Variants in BNC2 observed in about 807,000 individuals in gnomAD.
BNC2 encodes basonuclin zinc finger protein 2, also known as zinc finger protein basonuclin-2.
BNC2 carries 20 observed loss-of-function variants against 76.3 expected under a neutral mutation model. The ratio of observed to expected loss-of-function variants is 0.26; its 90% CI spans 0.18 to 0.38. The LOEUF is 0.38. Among genes scored for constraint, BNC2 ranks in the 10% least tolerant of loss-of-function variants. The probability of loss-of-function intolerance (pLI) is 1.00; values close to 1 mark genes in which losing one functional copy is unlikely to be tolerated. For synonymous variants in BNC2, 582 were observed against 514.8 expected, an observed-to-expected ratio of 1.13 and a Z score of -1.77; for missense variants, 1,382 against 1,399.8, an observed-to-expected ratio of 0.99 and a Z score of 0.20.
At chr9:16,582,165 T>C (rs1431160259) in intron 4 of BNC2, among the ~76,000 whole-genome samples, 1 of 152,162 alleles carries the variant, frequency 6.6e-6, no homozygotes, top group African/African-American at 2.4e-5. Context: ...AGCCAGGATT[T>C]CTTTTTATAA....
chr9:16,670,117 A>T (rs943387181), intron 3 of BNC2, among the ~76,000 whole-genome samples: 1 of 151,806 alleles, frequency 6.6e-6, no homozygotes, highest in Admixed American at 6.6e-5. Flanking sequence ...TTTTCCTTAC[A>T]CTCTTCTCTA....
chr9:16,736,777 TG>T (rs1253802986), intron 2 of BNC2, among the ~76,000 whole-genome samples: 1 of 149,112 alleles, frequency 6.7e-6, no homozygotes, highest in Non-Finnish European at 1.5e-5. Context: ...CCCGACCTAT[TG>T]TTTTTTTTTT....
At chr9:16,707,063 G>C (rs182590294) in intron 3 of BNC2, among the ~76,000 whole-genome samples, 3 of 152,236 alleles carry the variant, frequency 2.0e-5, no homozygotes, top group South Asian at 4.1e-4. Flanking sequence ...TTAGCCGGGC[G>C]TGATGGTGGG....
chr9:16,448,939 T>G (rs1821283674), intron 5 of BNC2, among the ~76,000 whole-genome samples: 1 of 152,138 alleles, frequency 6.6e-6, no homozygotes. Context: ...ATTAATAGTT[T>G]GTGTTTCTGT....
intron 3 of BNC2, among the ~76,000 whole-genome samples, chr9:16,674,858 T>C (rs1822590513): frequency 6.6e-6 from 1 of 152,224 alleles, no homozygotes; most frequent in South Asian, 2.1e-4. Flanking sequence ...TACACTTTTA[T>C]GTTCTTGGGC....
chr9:16,816,074 T>G (rs1004911497), intron 1 of BNC2, among the ~76,000 whole-genome samples: 5 of 152,168 alleles, frequency 3.3e-5, no homozygotes, highest in Non-Finnish European at 5.9e-5. Flanking sequence ...ACACTTCTAC[T>G]TTAAGCAAAC....
chr9:16,480,560 G>T (rs1822027031), intron 5 of BNC2, among the ~76,000 whole-genome samples: 1 of 152,212 alleles, frequency 6.6e-6, no homozygotes, highest in South Asian at 2.1e-4. Flanking sequence ...CGGGCCAGCT[G>T]GAGTTCCGGG....
intron 3 of BNC2, among the ~76,000 whole-genome samples, chr9:16,713,703 T>A (rs943778142): frequency 9.9e-5 from 15 of 152,102 alleles, no homozygotes; most frequent in Admixed American, 1.3e-4. Context: ...CCTTTTTTTT[T>A]ATTAAGAATT....
rs1478701197 is a variant in BNC2 at position 16,416,749 on chromosome 9, T to C, written c.*2240A>G. On this transcript the variant is annotated 3_prime_UTR_variant, in exon 7 of 7. Transcript: ENST00000380672. ...GGTGAAAAGATAAAGCTCCTAGACA[T>C]AGCTAGCTTATCTTTAAGAATCTAT... 1.3e-5 allele frequency: 2 copies of C among 152,616 alleles called. No individual in the cohort carries two copies. Among genetic ancestry groups the C allele is most frequent in the East Asian group, 1.9e-4 (1 of 5,196 alleles). 9.5% of individuals were successfully genotyped at this position (152,616 alleles called of 1,614,324 possible).
intron 5 of BNC2, among the ~76,000 whole-genome samples, chr9:16,457,469 C>G (rs1455757086): frequency 1.3e-5 from 2 of 152,134 alleles, no homozygotes; most frequent in Non-Finnish European, 2.9e-5. Context: ...ATGCATGGAG[C>G]AAACTCCAGG....
rs1825214998 is a variant in BNC2, at chr9:16,751,696, A to ATG, written c.4-13212_4-13211insCA. Reference sequence around the variant, plus strand: ...TGTATATATATATGTATGTGTGTATATATATATATATGTATGTATATATAA... The same window carrying ATG: ...TGTATATATATATGTATGTGTGTATATGTATATATATATGTATGTATATATAA... On this transcript the variant is annotated intron_variant, in intron 1 of 6. Coordinates refer to ENST00000380672, the MANE Select transcript of BNC2 (RefSeq NM_017637.6). Among the ~76,000 whole-genome samples the ATG allele has an allele frequency of 2.9e-5, 3 of 102,740 alleles. No individual in the cohort carries two copies. The Admixed American group carries it at 3.5e-4, about 12-fold the overall frequency. 67.4% of individuals were successfully genotyped at this position (102,740 alleles called of 152,430 possible).
chr9:16,659,417 G>T (rs1243955519), intron 3 of BNC2, among the ~76,000 whole-genome samples: 1 of 151,912 alleles, frequency 6.6e-6, no homozygotes, highest in Non-Finnish European at 1.5e-5. Context: ...AGACCATCCT[G>T]GCCAACATGG....
chr9:16,549,954 A>T (rs1032312113), intron 5 of BNC2, among the ~76,000 whole-genome samples: 7 of 152,072 alleles, frequency 4.6e-5, no homozygotes, highest in Admixed American at 4.6e-4. Context: ...GACTGAATGG[A>T]GAAATATTAT....
Position 16,612,164 on chromosome 9 carries a change from C to T in BNC2, c.331-29079G>A, listed in dbSNP as rs371301059. Among the ~76,000 whole-genome samples the T allele has an allele frequency of 1.5e-3, 233 of 152,116 alleles. 2 individuals carry two copies. The highest frequency in any genetic ancestry group is 5.3e-3 in the African/African-American group (219 of 41,500). Reference sequence around the variant, plus strand: ...ATAAAATGTGGACGTCTTTCTTTCTCCCCACATCTGGAGATAGTTTAGTAT... The same window carrying T: ...ATAAAATGTGGACGTCTTTCTTTCTTCCCACATCTGGAGATAGTTTAGTAT... On this transcript the variant is annotated intron_variant, in intron 3 of 6. Transcript: ENST00000380672.
In BNC2 at chr9:16,616,836, G is replaced by GAAGGAAGGAAGGAAGT. The variant is rs796264760; in HGVS notation, c.331-33752_331-33751insACTTCCTTCCTTCCTT. Among the ~76,000 whole-genome samples, 392 of 150,260 alleles carry GAAGGAAGGAAGGAAGT rather than the reference G, an allele frequency of 2.6e-3. 2 individuals are homozygous for GAAGGAAGGAAGGAAGT. The highest frequency in any genetic ancestry group is 6.9e-3 in the Middle Eastern group (2 of 290). On this transcript the variant is annotated intron_variant, in intron 3 of 6. Transcript: ENST00000380672. ...GGAAGGAAGAAAGGAAGGAAGGAAG[G>GAAGGAAGGAAGGAAGT]AAGTTCTACTGACACGTGGGAATTT...
chr9:16,779,209 T>C (rs2135530803), intron 1 of BNC2, among the ~76,000 whole-genome samples: 1 of 141,718 alleles, frequency 7.1e-6, no homozygotes, highest in South Asian at 2.2e-4. Flanking sequence ...GAGGCTGAGG[T>C]AGGAGGACAG....
intron 1 of BNC2, among the ~76,000 whole-genome samples, chr9:16,859,908 T>A (rs749007309): frequency 2.6e-4 from 39 of 152,248 alleles, no homozygotes; most frequent in South Asian, 1.2e-3. Flanking sequence ...AATGCTGAGG[T>A]CAAGAGTTGG....
intron 3 of BNC2, among the ~76,000 whole-genome samples, chr9:16,679,314 T>G (rs1017421281): frequency 1.3e-5 from 2 of 152,210 alleles, no homozygotes; most frequent in Non-Finnish European, 2.9e-5. Context: ...TTAAATAATA[T>G]ACCACTTTTG....
rs572736563 is a variant in BNC2 at position 16,671,957 on chromosome 9, A to C, written c.330+55840T>G. ...TGTACATACATTGTAAGGTTGTCTT[A>C]TGCCACAGTTTCTCTCATTAAGCAA... is the stretch of plus-strand genomic sequence containing the variant. On this transcript the variant is annotated intron_variant, in intron 3 of 6. Coordinates refer to ENST00000380672, the MANE Select transcript of BNC2 (RefSeq NM_017637.6). Among the ~76,000 whole-genome samples the C allele has an allele frequency of 2.6e-5, 4 of 152,356 alleles. No individual in the cohort carries two copies. In the East Asian group the frequency reaches 7.7e-4, roughly 29 times the overall value.
Sources: allele counts gnomAD v4.1 joint callset (sites outside exome capture counted in the v4.1 genomes callset), GRCh38; gene constraint gnomAD v4.1.1; transcripts MANE v1.5; gene names NCBI Gene and HGNC (gene_info 2026-07-23, HGNC 2026-07-21).